The following ENGASE variants were observed in gnomAD, a reference collection of about 807,000 sequenced individuals.
ENGASE encodes the protein endo-beta-N-acetylglucosaminidase.
In ENGASE, 69 loss-of-function variants were observed where a neutral mutation model predicts 78.5. That is an observed-to-expected ratio of 0.88 (90% confidence interval 0.72 to 1.07). ENGASE has a LOEUF of 1.07. Ranked by LOEUF, ENGASE falls within the 50% of genes least tolerant of loss-of-function variation. The pLI, the probability that ENGASE is intolerant of heterozygous loss-of-function variation, is 0.00. For missense variants in ENGASE, 943 were observed against 988.4 expected (o/e 0.95, Z 0.62); for synonymous variants, 408 against 408.9 (o/e 1.00, Z 0.03).
At chr17:79,080,819 GT>G in intron 5 of ENGASE, 105 bp from the exon 6 acceptor site, 1 of 1,447,812 alleles carries the variant, frequency 6.9e-7, no homozygotes, top group Non-Finnish European at 9.2e-7. Flanking sequence ...AGCTTCGCCT[GT>G]GGGTCTGTTT....
intron 1 of ENGASE, among the ~76,000 whole-genome samples, chr17:79,077,010 A>G (rs1314488668): frequency 6.6e-6 from 1 of 152,158 alleles, no homozygotes; most frequent in Non-Finnish European, 1.5e-5. Context: ...AGGTGCTGGG[A>G]TTACAGGCGT....
rs2073117635 is a variant in ENGASE at position 79,080,934 on chromosome 17, G to A, written c.733G>A (p.Val245Met). ...NIENSLSLAA[V>M]GNMPPFLRYL... Reference sequence around the variant, plus strand: ...TGTTCTTCTCTTTCAGCTGGCCGCTGTGGGGAACATGCCTCCTTTCCTGCG... The same window carrying A: ...TGTTCTTCTCTTTCAGCTGGCCGCTATGGGGAACATGCCTCCTTTCCTGCG... Residue 245 changes from valine (V) to methionine (M), a missense_variant, in exon 6 of 14, where the codon GTG (valine) becomes ATG (methionine). Coordinates refer to ENST00000579016, the MANE Select transcript of ENGASE (RefSeq NM_001042573.3). The A allele has an allele frequency of 6.2e-7, 1 of 1,611,942 alleles. No individual in the cohort carries two copies. Among genetic ancestry groups the A allele is most frequent in the Non-Finnish European group, 8.5e-7 (1 of 1,178,968 alleles).
rs3744183 is a variant in ENGASE at position 79,079,585 on chromosome 17, T to A, written c.513T>A (p.Ile171=). 9.2e-5 allele frequency: 149 copies of A among 1,613,082 alleles called. 1 individual carries two copies. Among genetic ancestry groups the A allele is most frequent in the South Asian group, 9.1e-4 (83 of 90,992 alleles). The part of the protein sequence containing the change: ...FVYFSHHTVT[I]PPVGWTNTAH... The stretch of plus-strand genomic sequence containing the variant: ...ACTTCAGCCACCACACCGTCACCAT[T>A]CCCCCAGTGGGCTGGACCAACACTG... Residue 171 remains isoleucine, a synonymous_variant, in exon 4 of 14, where the codon ATT becomes ATA. Coordinates refer to ENST00000579016, the MANE Select transcript of ENGASE (RefSeq NM_001042573.3).
Position 79,080,968 on chromosome 17 carries a change from C to T in ENGASE, c.767C>T (p.Thr256Ile), listed in dbSNP as rs1339587103. The change falls in exon 6 of 14, where the codon ACC (threonine) becomes ATC (isoleucine). Residue 256 changes from threonine (T) to isoleucine (I), a missense_variant. By Grantham distance (89) the Thr-to-Ile change is moderately conservative. Transcript: ENST00000579016. ...ATGCCTCCTTTCCTGCGGTACCTCA[C>T]CACACAGCTGCACCGGCAGGTCCCA... ...GNMPPFLRYLTTQLHRQVPGG... is the reference protein window; with the variant it reads ...GNMPPFLRYLITQLHRQVPGG... 1 of 1,613,518 alleles carries T rather than the reference C, an allele frequency of 6.2e-7. No homozygotes were observed.
Position 79,083,022 on chromosome 17 carries a change from G to A in ENGASE, c.1041G>A (p.Ser347=), listed in dbSNP as rs370432979. ...VVGGRFDTDK[S]LELIRKHGFS... The stretch of plus-strand genomic sequence containing the variant: ...AGCGTCTCCCTCTGTCTCTTCAGTC[G>A]TTGGAGCTGATCCGAAAGCATGGCT... The change falls in exon 8 of 14, where the codon TCG becomes TCA. Residue 347 remains serine (S), a splice_region_variant and synonymous_variant. Transcript: ENST00000579016. The surrounding 1 kb of genome is among the most constrained non-coding windows in gnomAD (Gnocchi z 4.9). 5.8e-5 allele frequency: 94 copies of A among 1,613,732 alleles called. 2 individuals are homozygous for A. Among genetic ancestry groups the A allele is most frequent in the South Asian group, 4.3e-4 (39 of 90,992 alleles).
chr17:79,084,354 C>T, intron 10 of ENGASE, 184 bp from the exon 11 acceptor site: 1 of 613,062 alleles, frequency 1.6e-6, no homozygotes, highest in Non-Finnish European at 2.8e-6. Context: ...ATGTTTCAGC[C>T]CACAAAAGAA....
At position 79,074,900 on chromosome 17, in the gene ENGASE, C is replaced by A. The variant is rs762556011; in HGVS notation, c.-45C>A. 1 of 1,248,058 alleles carries A rather than the reference C, an allele frequency of 8.0e-7. No homozygotes were observed. Among genetic ancestry groups the A allele is most frequent in the Non-Finnish European group, 1.0e-6 (1 of 995,064 alleles). 77.3% of individuals were successfully genotyped at this position (1,248,058 alleles called of 1,614,324 possible). Reference sequence around the variant, plus strand: ...CCATTGGCCGAGCGCGGCGCGGGGGCGGGCCCGGGCCTGCGATTGCCTCTC... The same window carrying A: ...CCATTGGCCGAGCGCGGCGCGGGGGAGGGCCCGGGCCTGCGATTGCCTCTC... On this transcript the variant is annotated 5_prime_UTR_variant, in exon 1 of 14. Coordinates refer to ENST00000579016, the MANE Select transcript of ENGASE (RefSeq NM_001042573.3).
intron 1 of ENGASE, among the ~76,000 whole-genome samples, chr17:79,077,115 C>T (rs1412650356): frequency 6.6e-6 from 1 of 152,192 alleles, no homozygotes; most frequent in Non-Finnish European, 1.5e-5. Flanking sequence ...AGGTGATTCG[C>T]CTGCCTTGGC....
At chr17:79,084,277 C>T in intron 10 of ENGASE, 1 of 478,558 alleles carries the variant, frequency 2.1e-6, no homozygotes, top group African/African-American at 2.1e-5. Context: ...CTTTACTCTG[C>T]ATCTGTGAGT....
At position 79,085,318 on chromosome 17, in the gene ENGASE, A is replaced by G. The variant is rs1372300162; in HGVS notation, c.1676A>G (p.Gln559Arg). Reference protein sequence around the residue: ...LARWVGRCGRQLSGGWVQHCY... With the variant: ...LARWVGRCGRRLSGGWVQHCY... ...AGATGGGTGGGCCGCTGCGGCCGGC[A>G]GCTGAGTGGGGGCTGGGTCCAGCAG... Residue 559 changes from glutamine to arginine, a missense_variant, in exon 12 of 14, where the codon CAG becomes CGG. Coordinates refer to ENST00000579016, the MANE Select transcript of ENGASE (RefSeq NM_001042573.3). 2 of 1,612,284 alleles carry G rather than the reference A, an allele frequency of 1.2e-6. No individual in the cohort carries two copies. Among genetic ancestry groups the G allele is most frequent in the Admixed American group, 3.3e-5 (2 of 59,848 alleles).
chr17:79,081,749 T>TGTG, intron 6 of ENGASE, 149 bp from the exon 7 acceptor site: 1 of 636,492 alleles, frequency 1.6e-6, no homozygotes. Context: ...GCTGAGGCTG[T>TGTG]GTGGGGTGGG....
chr17:79,077,913 T>TTGGGG, intron 3 of ENGASE, 49 bp downstream of exon 3: 1 of 684,646 alleles, frequency 1.5e-6, no homozygotes, highest in Non-Finnish European at 2.4e-6. Flanking sequence ...TCTCCTTTGC[T>TTGGGG]GGGGTGGGGG....
At chr17:79,077,922 G>C in intron 3 of ENGASE, 58 bp downstream of exon 3, 1 of 1,405,056 alleles carries the variant, frequency 7.1e-7, no homozygotes, top group Non-Finnish European at 9.7e-7. Context: ...CTGGGGTGGG[G>C]GCTGGAGGGG....
chr17:79,082,616 G>T, intron 7 of ENGASE: 1 of 1,284,002 alleles, frequency 7.8e-7, no homozygotes, highest in Non-Finnish European at 1.0e-6. Flanking sequence ...AGTCCTGCCC[G>T]TTCCCAGAGC....
rs770801881 is a variant in ENGASE, at chr17:79,085,670, G to C, written c.1751G>C (p.Cys584Ser). ...RGCLLLDLLV[C>S]FSRPPGSREE... is the part of the protein sequence containing the mutation. ...TGCCTGCTGCTAGACCTCCTCGTTT[G>C]CTTCTCACGGCCGCCGGGTAGTCGG... The change falls in exon 13 of 14, where the codon TGC becomes TCC. Residue 584 changes from cysteine (C) to serine (S), a missense_variant. Physicochemically the swap from Cys to Ser is moderately radical, Grantham distance 112. Transcript: ENST00000579016. The C allele has an allele frequency of 1.2e-6, 2 of 1,613,996 alleles. No individual in the cohort carries two copies. The highest frequency in any genetic ancestry group is 1.7e-6 in the Non-Finnish European group (2 of 1,180,010).
chr17:79,075,180 A>AGGT, intron 1 of ENGASE, 90 bp downstream of exon 1: 1 of 1,172,384 alleles, frequency 8.5e-7, no homozygotes, highest in Non-Finnish European at 1.1e-6. Flanking sequence ...GGGCGCGCCG[A>AGGT]GGGGCGGGGG....
intron 12 of ENGASE, 37 bp downstream of exon 12, chr17:79,085,379 C>T (rs200676041): frequency 6.6e-7 from 1 of 1,522,474 alleles, no homozygotes; most frequent in Non-Finnish European, 8.9e-7. Flanking sequence ...TTCTCCCTCA[C>T]TCAAGTCTCT....
Position 79,083,863 on chromosome 17 carries a change from C to A in ENGASE, c.1354C>A (p.His452Asn). The A allele has an allele frequency of 6.2e-7, 1 of 1,612,706 alleles. No individual in the cohort carries two copies. The highest frequency in any genetic ancestry group is 8.5e-7 in the Non-Finnish European group (1 of 1,179,822). The change falls in exon 10 of 14, where the codon CAC (histidine) becomes AAC (asparagine). Residue 452 changes from histidine to asparagine, a missense_variant. By Grantham distance (68) the His-to-Asn change is moderately conservative. Coordinates refer to ENST00000579016, the MANE Select transcript of ENGASE (RefSeq NM_001042573.3). The surrounding 1 kb of genome is among the most constrained non-coding windows in gnomAD (Gnocchi z 4.9). ...GGATGGCCGGGGCTGGGTGAGGACGCACTGCTGCCTGGAGGATGCCTGGCA... is the reference window on the plus strand; with the variant it reads ...GGATGGCCGGGGCTGGGTGAGGACGAACTGCTGCCTGGAGGATGCCTGGCA... ...GGDGRGWVRT[H>N]CCLEDAWHGG...
At chr17:79,080,598 G>T (rs144126523) in intron 5 of ENGASE, among the ~76,000 whole-genome samples, 194 of 152,312 alleles carry the variant, frequency 1.3e-3, no homozygotes, top group Non-Finnish European at 2.5e-3. Flanking sequence ...CACGTTTCCC[G>T]CCCCTGCCTG....
Sources: allele counts gnomAD v4.1 joint callset (sites outside exome capture counted in the v4.1 genomes callset), GRCh38; gene constraint gnomAD v4.1.1; non-coding constraint Gnocchi (gnomAD v3.1); transcripts MANE v1.5; gene names NCBI Gene and HGNC (gene_info 2026-07-23, HGNC 2026-07-21).